FARS2: variants seen among roughly 807,000 people sequenced by gnomAD.
The protein encoded by FARS2 is phenylalanyl-tRNA synthetase 2, mitochondrial, also known as phenylalanine--tRNA ligase, mitochondrial.
A neutral mutation model predicts 46.4 loss-of-function variants in FARS2; 40 were observed. That is an observed-to-expected ratio of 0.86 (90% CI 0.67 to 1.12). The LOEUF is 1.12. Among genes scored for constraint, FARS2 ranks in the 50% most tolerant of loss-of-function variants. The probability of loss-of-function intolerance (pLI) is 0.00; values close to 1 mark genes in which losing one functional copy is unlikely to be tolerated. For missense variants in FARS2, 513 were observed against 567.9 expected (o/e 0.90, Z 0.98); for synonymous variants, 234 against 214.9 (o/e 1.09, Z -0.78).
intron 1 of FARS2, among the ~76,000 whole-genome samples, chr6:5,333,644 T>C (rs751301690): frequency 3.3e-5 from 5 of 152,200 alleles, no homozygotes; most frequent in Admixed American, 1.3e-4. Flanking sequence ...GCAGGTGTCT[T>C]TCTGAATTGG....
chr6:5,751,882 G>C (rs750408970), intron 6 of FARS2, among the ~76,000 whole-genome samples: 1 of 152,144 alleles, frequency 6.6e-6, no homozygotes, highest in African/African-American at 2.4e-5. Flanking sequence ...TCTTTTTAAG[G>C]CATAATGACA....
chr6:5,273,838 T>G (rs932370611), intron 1 of FARS2, among the ~76,000 whole-genome samples: 1 of 152,212 alleles, frequency 6.6e-6, no homozygotes, highest in African/African-American at 2.4e-5. Flanking sequence ...TACTTTTATT[T>G]GATTTTTGTA....
chr6:5,523,567 C>T (rs527959498), intron 4 of FARS2, among the ~76,000 whole-genome samples: 1 of 152,270 alleles, frequency 6.6e-6, no homozygotes, highest in East Asian at 1.9e-4. Context: ...AGTGGTATGC[C>T]TGTGGGCTCT....
intron 6 of FARS2, among the ~76,000 whole-genome samples, chr6:5,642,103 C>T (rs184931933): frequency 3.7e-4 from 56 of 152,276 alleles, no homozygotes; most frequent in African/African-American, 1.3e-3. Context: ...TACATAGGTG[C>T]ATACATACAT....
intron 3 of FARS2, among the ~76,000 whole-genome samples, chr6:5,421,398 C>T (rs2127750305): frequency 6.6e-6 from 1 of 152,314 alleles, no homozygotes; most frequent in South Asian, 2.1e-4. Context: ...TCTGACATGT[C>T]CCAGAGACAT....
intron 1 of FARS2, among the ~76,000 whole-genome samples, chr6:5,272,752 CTTATCTCTTCTATCAAGCTGTAT>C (rs1766053641): frequency 6.6e-6 from 1 of 152,118 alleles, no homozygotes. Context: ...GACACTAAGT[CTTATCTCTTCTATCAAGCTGTAT>C]TTTTACTTGC....
intron 4 of FARS2, among the ~76,000 whole-genome samples, chr6:5,485,471 T>C (rs1469733489): frequency 5.0e-5 from 7 of 140,596 alleles, no homozygotes; most frequent in Admixed American, 3.6e-4. Context: ...GTTGTCTTCA[T>C]ACTGTTAAGA....
chr6:5,655,081 G>A (rs1777545451), intron 6 of FARS2, among the ~76,000 whole-genome samples: 1 of 152,208 alleles, frequency 6.6e-6, no homozygotes, highest in South Asian at 2.1e-4. Context: ...GCTATGAGTA[G>A]TTAAGTTTCA....
At chr6:5,264,322 C>T (rs377631321) in intron 1 of FARS2, among the ~76,000 whole-genome samples, 11 of 152,262 alleles carry the variant, frequency 7.2e-5, no homozygotes, top group African/African-American at 2.6e-4. Flanking sequence ...AAGTATTATA[C>T]ATTGATCCTT....
At chr6:5,649,584 A>G (rs1777244659) in intron 6 of FARS2, among the ~76,000 whole-genome samples, 1 of 152,232 alleles carries the variant, frequency 6.6e-6, no homozygotes, top group Non-Finnish European at 1.5e-5. Context: ...CAGATATTAT[A>G]CTTAATGCTT....
At chr6:5,614,807 A>C (rs937260408) in intron 6 of FARS2, among the ~76,000 whole-genome samples, 1 of 152,214 alleles carries the variant, frequency 6.6e-6, no homozygotes, top group African/African-American at 2.4e-5. Context: ...GAAGTTCATC[A>C]TCTAGAATTT....
intron 1 of FARS2, among the ~76,000 whole-genome samples, chr6:5,310,146 T>G (rs1306739114): frequency 6.6e-6 from 1 of 152,112 alleles, no homozygotes; most frequent in African/African-American, 2.4e-5. Flanking sequence ...CTAGGGAAAG[T>G]AGATTTTCCA....
intron 6 of FARS2, among the ~76,000 whole-genome samples, chr6:5,738,765 A>C (rs967544734): frequency 2.0e-5 from 2 of 102,546 alleles, no homozygotes; most frequent in Non-Finnish European, 3.6e-5. Context: ...AACACAGACC[A>C]TACATTTAGA....
chr6:5,478,064 C>T (rs1011465152), intron 4 of FARS2, among the ~76,000 whole-genome samples: 10 of 128,602 alleles, frequency 7.8e-5, no homozygotes, highest in African/African-American at 2.2e-4. Flanking sequence ...AACAATGACC[C>T]GCCCCCACCA....
rs112655837 is a variant in FARS2 at position 5,593,986 on chromosome 6, C to T, written c.1066-19183C>T. On this transcript the variant is annotated intron_variant, in intron 5 of 6. Coordinates refer to ENST00000274680, the MANE Select transcript of FARS2 (RefSeq NM_006567.5). ...TCCACGTGGCAGGCATGGGGACAGG[C>T]ACCTCCAGTCCTGTTCCATACTCCT... is the stretch of plus-strand genomic sequence containing the variant. Among the ~76,000 whole-genome samples, 415 of 152,310 alleles carry T rather than the reference C, an allele frequency of 2.7e-3. 1 individual carries two copies. The highest frequency in any genetic ancestry group is 9.6e-3 in the African/African-American group (400 of 41,576).
chr6:5,523,118 G>A (rs1434953813), intron 4 of FARS2, among the ~76,000 whole-genome samples: 1 of 152,236 alleles, frequency 6.6e-6, no homozygotes, highest in East Asian at 1.9e-4. Context: ...CCTTCACAGA[G>A]TTCTGCCAGA....
chr6:5,770,527 G>A (rs1368077122), intron 6 of FARS2, among the ~76,000 whole-genome samples: 1 of 152,154 alleles, frequency 6.6e-6, no homozygotes, highest in Non-Finnish European at 1.5e-5. Flanking sequence ...CAGACACCCA[G>A]CCACACAGCC....
At chr6:5,259,361 T>C (rs1764838808), upstream of FARS2, among the ~76,000 whole-genome samples, 2 of 82,152 alleles carry the variant, frequency 2.4e-5, no homozygotes, top group African/African-American at 1.8e-4. Flanking sequence ...CCAGTATGCT[T>C]ATTATTACAC....
At chr6:5,441,875 C>T (rs993474966) in intron 4 of FARS2, among the ~76,000 whole-genome samples, 4 of 152,142 alleles carry the variant, frequency 2.6e-5, no homozygotes, top group African/African-American at 9.7e-5. Context: ...TCTAAAGTTC[C>T]CTGGTGTTTT....
Sources: allele counts gnomAD v4.1 joint callset (sites outside exome capture counted in the v4.1 genomes callset), GRCh38; gene constraint gnomAD v4.1.1; transcripts MANE v1.5; gene names NCBI Gene and HGNC (gene_info 2026-07-23, HGNC 2026-07-21).